GPC2: variants seen among roughly 807,000 people sequenced by gnomAD.
The protein encoded by GPC2 is glypican-2.
GPC2 carries 42 observed loss-of-function variants against 57.3 expected under a neutral mutation model. The observed-to-expected ratio is 0.73, with a 90% confidence interval of 0.57 to 0.95. The LOEUF (loss-of-function observed/expected upper bound fraction) is 0.95, where lower values mean the gene tolerates loss of function less well. Among genes scored for constraint, GPC2 ranks in the 40% least tolerant of loss-of-function variants. GPC2 has a pLI of 0.00. For missense variants in GPC2, 745 were observed against 793.6 expected (o/e 0.94, Z 0.74); for synonymous variants, 364 against 343.4 (o/e 1.06, Z -0.66).
Position 100,177,111 on chromosome 7 carries a change from C to T in GPC2, c.89G>A (p.Arg30Gln). 6.2e-7 allele frequency: 1 copy of T among 1,613,260 alleles called. No individual in the cohort carries two copies. Among genetic ancestry groups the T allele is most frequent in the Non-Finnish European group, 8.5e-7 (1 of 1,179,682 alleles). ...CACCTGCCGGGTCTCTGCACAACTC[C>T]GGGTGACCTTTGCCTCGCTCCCGGG... is the stretch of plus-strand genomic sequence containing the variant. Reference protein sequence around the residue: ...PGPGSEAKVTRSCAETRQVLG... With the variant: ...PGPGSEAKVTQSCAETRQVLG... The change falls in exon 1 of 10, where the codon CGG becomes CAG. Residue 30 changes from arginine (R) to glutamine (Q), a missense_variant. Physicochemically the swap from Arg to Gln is conservative, Grantham distance 43. Around this residue, in one of 2 missense-constraint regions of GPC2, gnomAD observed 138 missense variants for 189.8 expected, o/e 0.73. Transcript: ENST00000292377.
In GPC2 at chr7:100,172,179, A is replaced by G; in HGVS notation, c.931T>C (p.Phe311Leu). Residue 311 changes from phenylalanine to leucine, a missense_variant, in exon 6 of 10, where the codon TTT (phenylalanine) becomes CTT (leucine). By Grantham distance (22) the Phe-to-Leu change is conservative. This residue lies in a region of GPC2 where 607 missense variants were observed against 603.9 expected (regional missense o/e 1.01). Coordinates refer to ENST00000292377, the MANE Select transcript of GPC2 (RefSeq NM_152742.3). ...LILADKLQGP[F>L]SFELTAESIG... ...GACTCGGCCGTCAGCTCAAAGGAAAAGGGGCCCTGGAGCTTATCAGCCAGG... is the reference window on the plus strand; with the variant it reads ...GACTCGGCCGTCAGCTCAAAGGAAAGGGGGCCCTGGAGCTTATCAGCCAGG... 1 of 1,613,960 alleles carries G rather than the reference A, an allele frequency of 6.2e-7. No individual in the cohort carries two copies. Among genetic ancestry groups the G allele is most frequent in the Non-Finnish European group, 8.5e-7 (1 of 1,179,944 alleles).
chr7:100,170,744 G>T (rs1799163376), intron 9 of GPC2, among the ~76,000 whole-genome samples: 1 of 151,934 alleles, frequency 6.6e-6, no homozygotes, highest in Non-Finnish European at 1.5e-5. Context: ...AAAACAGGCA[G>T]ATGGGGAGAG....
rs2116979400 is a variant in GPC2 at position 100,169,807 on chromosome 7, T to A, written c.*423A>T. The A allele has an allele frequency of 6.3e-6, 1 of 157,816 alleles. No homozygotes were observed. The highest frequency in any genetic ancestry group is 1.4e-5 in the Non-Finnish European group (1 of 71,890). 9.8% of individuals were successfully genotyped at this position (157,816 alleles called of 1,614,324 possible). A position where few individuals can be genotyped will look rare whatever the true frequency, so the allele number is the denominator to read the frequency against. On this transcript the variant is annotated 3_prime_UTR_variant, in exon 10 of 10. Transcript: ENST00000292377. ...AGTCTCACATCCTACTCAAGCACCCTCAGTCCCCTGCCCTGCATCCAGCTG... is the reference window on the plus strand; with the variant it reads ...AGTCTCACATCCTACTCAAGCACCCACAGTCCCCTGCCCTGCATCCAGCTG...
Position 100,175,594 on chromosome 7 carries a change from G to A in GPC2, c.626C>T (p.Ser209Leu). 1 of 1,611,670 alleles carries A rather than the reference G, an allele frequency of 6.2e-7. No homozygotes were observed. Among genetic ancestry groups the A allele is most frequent in the Non-Finnish European group, 8.5e-7 (1 of 1,178,788 alleles). Residue 209 changes from serine to leucine, a missense_variant, in exon 3 of 10, where the codon TCA (serine) becomes TTA (leucine). Ser to Leu is a moderately radical substitution (Grantham distance 145). Around this residue, in one of 2 missense-constraint regions of GPC2, gnomAD observed 607 missense variants for 603.9 expected, o/e 1.01. Coordinates refer to ENST00000292377, the MANE Select transcript of GPC2 (RefSeq NM_152742.3). Reference protein sequence around the residue: ...TDGSLQPFGDSPRRLRLQITR... With the variant: ...TDGSLQPFGDLPRRLRLQITR... ...CACCTGCAGGCGGAGGCGGCGGGGTGAGTCCCCAAAGGGCTGCAGAGAGCC... is the reference window on the plus strand; with the variant it reads ...CACCTGCAGGCGGAGGCGGCGGGGTAAGTCCCCAAAGGGCTGCAGAGAGCC...
chr7:100,175,813 T>C lies in GPC2; in HGVS notation c.407A>G (p.Gln136Arg). 6.2e-7 allele frequency: 1 copy of C among 1,613,918 alleles called. No homozygotes were observed. Among genetic ancestry groups the C allele is most frequent in the Non-Finnish European group, 8.5e-7 (1 of 1,179,978 alleles). The part of the protein sequence containing the change: ...FSHSYGRLYA[Q>R]HALIFNGLFS... Reference sequence around the variant, plus strand: ...CAGGCCATTGAATATGAGGGCGTGCTGGGCATACAGGCGGCCGTAGGAGTG... The same window carrying C: ...CAGGCCATTGAATATGAGGGCGTGCCGGGCATACAGGCGGCCGTAGGAGTG... Residue 136 changes from glutamine (Q) to arginine (R), a missense_variant, in exon 3 of 10, where the codon CAG becomes CGG. By Grantham distance (43) the Gln-to-Arg change is conservative (BLOSUM62 1). Around this residue, in one of 2 missense-constraint regions of GPC2, gnomAD observed 138 missense variants for 189.8 expected, o/e 0.73. Transcript: ENST00000292377.
At chr7:100,176,941 G>T (rs1290599299) in intron 1 of GPC2, 93 bp downstream of exon 1, 6 of 926,910 alleles carry the variant, frequency 6.5e-6, no homozygotes, top group Non-Finnish European at 9.5e-6. Context: ...TAGTATAACG[G>T]TCACTCTGAA....
At chr7:100,172,385 A>T (rs1035364671) in intron 5 of GPC2, among the ~76,000 whole-genome samples, 168 bp from the exon 6 acceptor site, 3 of 150,622 alleles carry the variant, frequency 2.0e-5, no homozygotes, top group African/African-American at 7.4e-5. Flanking sequence ...GCCCCTCTCC[A>T]TTTCACCCCC....
chr7:100,171,311 GCCGTGGCCGC>G lies in GPC2; in HGVS notation c.1426_1435del (p.Ala476ProfsTer3). 6.5e-7 allele frequency: 1 copy of G among 1,543,786 alleles called. No individual in the cohort carries two copies. The highest frequency in any genetic ancestry group is 1.2e-5 in the South Asian group (1 of 83,872). ...TCCCAGTGCGGCCGTTTTCATTCTG[GCCGTGGCCGC>G]CCGGAGCTGTAGCCGACGCCGCCGT... On this transcript the variant is annotated frameshift_variant, in exon 9 of 10. Transcript: ENST00000292377. LOFTEE classifies it high-confidence loss of function. The surrounding 1 kb of genome is among the most constrained non-coding windows in gnomAD (Gnocchi z 4.8).
intron 5 of GPC2, among the ~76,000 whole-genome samples, chr7:100,172,864 T>C (rs1799209191): frequency 6.6e-6 from 1 of 150,496 alleles, no homozygotes; most frequent in Non-Finnish European, 1.5e-5. Context: ...GGTTTCACCA[T>C]ATTGGCCAAG....
In GPC2 at chr7:100,173,947, A is replaced by T; in HGVS notation, c.780T>A (p.Cys260Ter). Residue 260 changes from cysteine (C) to a stop codon, truncating the protein, a stop_gained, in exon 5 of 10, where the codon TGT becomes TGA. Coordinates refer to ENST00000292377, the MANE Select transcript of GPC2 (RefSeq NM_152742.3). LOFTEE classifies it high-confidence loss of function. ...GTGAGGGGACCCCCCGGCACAGGGG[A>T]CAGCCGATGAGACGCATCAGAGCCT... Reference protein sequence around the residue: ...CSQALMRLIGCPLCRGVPSLM... With the variant: ...CSQALMRLIG 1 of 1,600,678 alleles carries T rather than the reference A, an allele frequency of 6.2e-7. No individual in the cohort carries two copies. Among genetic ancestry groups the T allele is most frequent in the Non-Finnish European group, 8.5e-7 (1 of 1,174,178 alleles).
rs575117054 is a variant in GPC2 at position 100,173,563 on chromosome 7, C to T, written c.892+272G>A. The T allele has an allele frequency of 1.0e-4, 25 of 245,488 alleles. No individual in the cohort carries two copies. The South Asian group carries it at 1.2e-3, about 12-fold the overall frequency. The allele number at this position is 245,488 out of a possible 1,614,324, so 15.2% of individuals were successfully genotyped here. A position where few individuals can be genotyped will look rare whatever the true frequency, so the allele number is the denominator to read the frequency against. ...GAGTAACTGGGACTACAGGCGCGGG[C>T]GCTACCATGCCTGGCTGATTTCTTT... is the stretch of plus-strand genomic sequence containing the variant. On this transcript the variant is annotated intron_variant, in intron 5 of 9. Coordinates refer to ENST00000292377, the MANE Select transcript of GPC2 (RefSeq NM_152742.3).
intron 5 of GPC2, among the ~76,000 whole-genome samples, chr7:100,172,925 G>A (rs150544678): frequency 7.2e-4 from 108 of 150,848 alleles, no homozygotes; most frequent in African/African-American, 2.5e-3. Context: ...CCAGGCTGGA[G>A]TGCAATGGCA....
rs1337222965 is a variant in GPC2, at chr7:100,175,856, G to T, written c.364C>A (p.Leu122Met). 1.9e-6 allele frequency: 3 copies of T among 1,613,984 alleles called. No homozygotes were observed. In the Admixed American group the frequency reaches 5.0e-5, roughly 27 times the overall value. ...TAGGAGTGGGAGAAGAGCTGGGTCAGAGAGTGCTGGGCTACTGAGAGCATC... is the reference window on the plus strand; with the variant it reads ...TAGGAGTGGGAGAAGAGCTGGGTCATAGAGTGCTGGGCTACTGAGAGCATC... The part of the protein sequence containing the change: ...LEMLSVAQHS[L>M]TQLFSHSYGR... Residue 122 changes from leucine to methionine, a missense_variant, in exon 3 of 10, where the codon CTG (leucine) becomes ATG (methionine). Physicochemically the swap from Leu to Met is conservative, Grantham distance 15. Around this residue, in one of 2 missense-constraint regions of GPC2, gnomAD observed 138 missense variants for 189.8 expected, o/e 0.73. Coordinates refer to ENST00000292377, the MANE Select transcript of GPC2 (RefSeq NM_152742.3).
intron 5 of GPC2, 163 bp downstream of exon 5, chr7:100,173,672 T>C (rs373608808): frequency 2.5e-4 from 82 of 330,258 alleles, no homozygotes; most frequent in South Asian, 2.8e-4. Context: ...CTCTCTTTCT[T>C]TCTCTCTCTC....
chr7:100,174,015 GGCTGTGTCCTCCACAAAC>G lies in GPC2; in HGVS notation c.730-36_730-19del, dbSNP rs752262273. 6 of 1,535,464 alleles carry G rather than the reference GGCTGTGTCCTCCACAAAC, an allele frequency of 3.9e-6. No individual in the cohort carries two copies. The African/African-American group carries it at 8.4e-5, about 21-fold the overall frequency. ...ACCGGCACCTGGGGGCAGAGAGTGG[GGCTGTGTCCTCCACAAAC>G]GCTGTGGCTGCTCTCAGCCTGGCTT... On this transcript the variant is annotated intron_variant, in intron 4 of 9. Coordinates refer to ENST00000292377, the MANE Select transcript of GPC2 (RefSeq NM_152742.3).
intron 6 of GPC2, 39 bp downstream of exon 6, chr7:100,172,048 C>T (rs192915160): frequency 8.1e-6 from 13 of 1,611,764 alleles, no homozygotes; most frequent in East Asian, 2.2e-5. Flanking sequence ...CACACCGTCC[C>T]CGCCCCGGGC....
Position 100,169,993 on chromosome 7 carries a change from T to C in GPC2, c.*237A>G. 1 of 426,992 alleles carries C rather than the reference T, an allele frequency of 2.3e-6. No individual in the cohort carries two copies. Among genetic ancestry groups the C allele is most frequent in the Non-Finnish European group, 4.1e-6 (1 of 241,382 alleles). 26.5% of individuals were successfully genotyped at this position (426,992 alleles called of 1,614,324 possible). On this transcript the variant is annotated 3_prime_UTR_variant, in exon 10 of 10. Coordinates refer to ENST00000292377, the MANE Select transcript of GPC2 (RefSeq NM_152742.3). ...ACTATACCTTCTAAGGAAACCACAC[T>C]CCCTCCTAAATAAATACCCCCAGGC... is the stretch of plus-strand genomic sequence containing the variant.
chr7:100,171,623 G>A lies in GPC2; in HGVS notation c.1226C>T (p.Ser409Phe). 1 of 1,534,632 alleles carries A rather than the reference G, an allele frequency of 6.5e-7. No homozygotes were observed. The highest frequency in any genetic ancestry group is 8.7e-7 in the Non-Finnish European group (1 of 1,153,526). Residue 409 changes from serine (S) to phenylalanine (F), a missense_variant, in exon 8 of 10, where the codon TCC (serine) becomes TTC (phenylalanine). Around this residue, in one of 2 missense-constraint regions of GPC2, gnomAD observed 607 missense variants for 603.9 expected, o/e 1.01. Coordinates refer to ENST00000292377, the MANE Select transcript of GPC2 (RefSeq NM_152742.3). This position sits in a 1 kb window ranked among gnomAD's most constrained non-coding sequence, Gnocchi z 4.8. ...ARMRGFWARLSLTVCGDSRMA... is the reference protein window; with the variant it reads ...ARMRGFWARLFLTVCGDSRMA... ...GCGAGAGTCTCCGCACACCGTCAGG[G>A]ACAGCCGGGCCCAGAAGCCCCGCAT...
rs761620552 is a variant in GPC2 at position 100,175,555 on chromosome 7, G to C, written c.648+17C>G. On this transcript the variant is annotated intron_variant, in intron 3 of 9. Coordinates refer to ENST00000292377, the MANE Select transcript of GPC2 (RefSeq NM_152742.3). ...TAGGTCAGAAGTGGTTGAAGCTCAG[G>C]CCTCAGGATCCCTCACCTGCAGGCG... 2 of 1,591,344 alleles carry C rather than the reference G, an allele frequency of 1.3e-6. No homozygotes were observed. Among genetic ancestry groups the C allele is most frequent in the African/African-American group, 1.3e-5 (1 of 74,428 alleles).
Sources: gnomAD v4.1 joint callset for allele counts (sites outside exome capture counted in the v4.1 genomes callset) on GRCh38, gnomAD v4.1.1 for gene constraint, gnomAD v4.1.1 regional missense constraint, Gnocchi (gnomAD v3.1) non-coding constraint, MANE v1.5 for transcripts, NCBI Gene and HGNC (gene_info 2026-07-23, HGNC 2026-07-21) for gene names.